Variants in ADNP2 observed in about 807,000 individuals in gnomAD.
ADNP2 encodes the protein ADNP homeobox 2, also known as activity-dependent neuroprotector homeobox protein 2.
Under a neutral mutation model 16.4 loss-of-function variants are expected in ADNP2, and 8 were observed. The observed-to-expected ratio is 0.49, with a 90% CI of 0.29 to 0.88. ADNP2 has a LOEUF of 0.88. ADNP2 is among the 40% of genes least tolerant of loss of function. ADNP2 has a pLI of 0.09. For missense variants in ADNP2, 1,397 were observed against 1,395.1 expected (o/e 1.00, Z -0.02); for synonymous variants, 637 against 545.8 (o/e 1.17, Z -2.33).
chr18:80,122,323 C>T (rs2052430175), intron 2 of ADNP2, among the ~76,000 whole-genome samples: 1 of 152,076 alleles, frequency 6.6e-6, no homozygotes. Flanking sequence ...ATTGTTCTGG[C>T]TTTTTGGGGC....
intron 3 of ADNP2, among the ~76,000 whole-genome samples, chr18:80,134,677 C>T (rs573144079): frequency 6.6e-6 from 1 of 152,170 alleles, no homozygotes; most frequent in Admixed American, 6.5e-5. Context: ...CAGATTGCAT[C>T]CTGTTGTATG....
At chr18:80,122,443 TCTTA>T (rs1161814296) in intron 2 of ADNP2, among the ~76,000 whole-genome samples, 2 of 152,254 alleles carry the variant, frequency 1.3e-5, no homozygotes, top group Non-Finnish European at 2.9e-5. Flanking sequence ...ATTATTGACA[TCTTA>T]ACAACATTGT....
intron 2 of ADNP2, among the ~76,000 whole-genome samples, chr18:80,123,616 G>A (rs188572718): frequency 1.3e-5 from 2 of 151,972 alleles, no homozygotes; most frequent in African/African-American, 2.4e-5. Context: ...TGATCTGCCC[G>A]CCTCGGCCTC....
chr18:80,118,414 T>TGA (rs1773698867), intron 2 of ADNP2, among the ~76,000 whole-genome samples: 1 of 150,918 alleles, frequency 6.6e-6, no homozygotes, highest in Non-Finnish European at 1.5e-5. Flanking sequence ...GGTGACAGAG[T>TGA]GAGTGAGACT....
chr18:80,136,629 C>G lies in ADNP2; in HGVS notation c.1216C>G (p.Pro406Ala). 1 of 1,614,164 alleles carries G rather than the reference C, an allele frequency of 6.2e-7. No homozygotes were observed. Among genetic ancestry groups the G allele is most frequent in the Non-Finnish European group, 8.5e-7 (1 of 1,180,008 alleles). Reference sequence around the variant, plus strand: ...CCCTGGGGTTTTACCCCTCACCCAGCCTGTGGGACCCATAAACAGACCTGT... The same window carrying G: ...CCCTGGGGTTTTACCCCTCACCCAGGCTGTGGGACCCATAAACAGACCTGT... ...VRPGVLPLTQ[P>A]VGPINRPVGP... The change falls in exon 4 of 4, where the codon CCT becomes GCT. Residue 406 changes from proline (P) to alanine (A), a missense_variant. By Grantham distance (27) the Pro-to-Ala change is conservative. Coordinates refer to ENST00000262198, the MANE Select transcript of ADNP2 (RefSeq NM_014913.4).
chr18:80,136,611 G>T lies in ADNP2; in HGVS notation c.1198G>T (p.Val400Phe), dbSNP rs753380304. 1.9e-6 allele frequency: 3 copies of T among 1,614,210 alleles called. No homozygotes were observed. The highest frequency in any genetic ancestry group is 1.7e-6 in the Non-Finnish European group (2 of 1,180,044). ...CATAAATCAGACTGTTCGCCCTGGGGTTTTACCCCTCACCCAGCCTGTGGG... is the reference window on the plus strand; with the variant it reads ...CATAAATCAGACTGTTCGCCCTGGGTTTTTACCCCTCACCCAGCCTGTGGG... ...LPINQTVRPGVLPLTQPVGPI... is the reference protein window; with the variant it reads ...LPINQTVRPGFLPLTQPVGPI... The change falls in exon 4 of 4, where the codon GTT (valine) becomes TTT (phenylalanine). Residue 400 changes from valine to phenylalanine, a missense_variant. Physicochemically the swap from Val to Phe is conservative, Grantham distance 50. Around this residue, in one of 3 missense-constraint regions of ADNP2, gnomAD observed 777 missense variants for 719.4 expected, o/e 1.08. Transcript: ENST00000262198.
chr18:80,117,441 T>A (rs2052396459), intron 1 of ADNP2, 89 bp from the exon 2 acceptor site: 1 of 701,900 alleles, frequency 1.4e-6, no homozygotes, highest in Admixed American at 3.6e-5. Context: ...TATACTCTAT[T>A]CCTAGTGTTT....
Position 80,139,401 on chromosome 18 carries a change from G to GT in ADNP2, c.*603dup, listed in dbSNP as rs34109519. ...TTTTTTTAGGTTTATCCTAATAGCTGTTTTTTTTTTTAACCATAACTCATA... is the reference window on the plus strand; with the variant it reads ...TTTTTTTAGGTTTATCCTAATAGCTGTTTTTTTTTTTTAACCATAACTCATA... On this transcript the variant is annotated 3_prime_UTR_variant, in exon 4 of 4. Transcript: ENST00000262198. 121,393 of 148,440 alleles carry GT rather than the reference G, an allele frequency of 0.82. 49,509 individuals carry two copies. Among genetic ancestry groups the GT allele is most frequent in the Admixed American group, 0.84 (12,529 of 14,906 alleles). 9.2% of individuals were successfully genotyped at this position (148,440 alleles called of 1,614,324 possible).
intron 2 of ADNP2, among the ~76,000 whole-genome samples, chr18:80,126,445 T>C (rs1192483312): frequency 1.3e-5 from 2 of 152,186 alleles, no homozygotes; most frequent in East Asian, 3.8e-4. Context: ...ACTTCATATT[T>C]TGTAGTGCTG....
chr18:80,138,852 G>C lies in ADNP2; in HGVS notation c.*43G>C, dbSNP rs1196877779. ...AAAAGTAACTCTAAAGTAGTAGGTA[G>C]ATTTTTTTCAGTTGAAATTTCACAG... On this transcript the variant is annotated 3_prime_UTR_variant, in exon 4 of 4. Transcript: ENST00000262198. 6 of 1,425,114 alleles carry C rather than the reference G, an allele frequency of 4.2e-6. No homozygotes were observed. 88.3% of individuals were successfully genotyped at this position (1,425,114 alleles called of 1,614,324 possible).
rs1555730307 is a variant in ADNP2, at chr18:80,134,418, T to TGA, written c.199-1186_199-1185dup. 6.8e-3 allele frequency among the ~76,000 whole-genome samples: 930 copies of TGA among 136,494 alleles called. 1 individual carries two copies. The highest frequency in any genetic ancestry group is 7.8e-3 in the East Asian group (39 of 4,984). 89.5% of individuals were successfully genotyped at this position (136,494 alleles called of 152,430 possible). On this transcript the variant is annotated intron_variant, in intron 3 of 3. Coordinates refer to ENST00000262198, the MANE Select transcript of ADNP2 (RefSeq NM_014913.4). The stretch of plus-strand genomic sequence containing the variant: ...GTGTGTGTGTGTGTGTGTGTGTGTG[T>TGA]GAGAGAGAGTGATAATGAGCACACA...
intron 2 of ADNP2, 50 bp from the exon 3 acceptor site, chr18:80,133,053 C>T (rs1399473373): frequency 1.5e-6 from 2 of 1,295,198 alleles, no homozygotes; most frequent in African/African-American, 3.0e-5. Flanking sequence ...TTAAATATTT[C>T]TTTATCTTCT....
Position 80,137,871 on chromosome 18 carries a change from T to C in ADNP2, c.2458T>C (p.Phe820Leu). ...LDVDANGNLL[F>L]PHLDFITILP... Reference sequence around the variant, plus strand: ...TGTCGATGCCAATGGCAACCTGCTCTTTCCCCACCTTGATTTCATCACCAT... The same window carrying C: ...TGTCGATGCCAATGGCAACCTGCTCCTTCCCCACCTTGATTTCATCACCAT... Residue 820 changes from phenylalanine (F) to leucine (L), a missense_variant, in exon 4 of 4, where the codon TTT (phenylalanine) becomes CTT (leucine). Physicochemically the swap from Phe to Leu is conservative, Grantham distance 22. Around this residue, in one of 3 missense-constraint regions of ADNP2, gnomAD observed 611 missense variants for 648.7 expected, o/e 0.94. Coordinates refer to ENST00000262198, the MANE Select transcript of ADNP2 (RefSeq NM_014913.4). The surrounding 1 kb of genome is among the most constrained non-coding windows in gnomAD (Gnocchi z 4.2). The C allele has an allele frequency of 6.2e-7, 1 of 1,614,124 alleles. No individual in the cohort carries two copies. Among genetic ancestry groups the C allele is most frequent in the Non-Finnish European group, 8.5e-7 (1 of 1,180,022 alleles).
chr18:80,117,578 C>G lies in ADNP2; in HGVS notation c.36C>G (p.Ile12Met). The G allele has an allele frequency of 6.2e-7, 1 of 1,601,900 alleles. No individual in the cohort carries two copies. The highest frequency in any genetic ancestry group is 8.5e-7 in the Non-Finnish European group (1 of 1,176,786). The change falls in exon 2 of 4, where the codon ATC (isoleucine) becomes ATG (methionine). Residue 12 changes from isoleucine to methionine, a missense_variant. Physicochemically the swap from Ile to Met is conservative, Grantham distance 10 (BLOSUM62 1). Around this residue, in one of 3 missense-constraint regions of ADNP2, gnomAD observed 777 missense variants for 719.4 expected, o/e 1.08. Transcript: ENST00000262198. ...FQIPVENLDN[I>M]RKVRKKVKGI... ...TTCCTGTGGAAAATCTTGACAACAT[C>G]AGAAAGGTGCGAAAAAAGGTGAAAG...
chr18:80,129,340 TG>T (rs1385800820), intron 2 of ADNP2, among the ~76,000 whole-genome samples: 1 of 152,140 alleles, frequency 6.6e-6, no homozygotes, highest in Non-Finnish European at 1.5e-5. Context: ...AGACCTCAGA[TG>T]ATCCAGCCAC....
At chr18:80,129,099 T>G (rs1199551768) in intron 2 of ADNP2, among the ~76,000 whole-genome samples, 1 of 87,354 alleles carries the variant, frequency 1.1e-5, no homozygotes, top group Non-Finnish European at 2.2e-5. Context: ...CCAGAACTTT[T>G]TTTTTGTTTT....
rs781014684 is a variant in ADNP2 at position 80,136,822 on chromosome 18, C to T, written c.1409C>T (p.Thr470Ile). The part of the protein sequence containing the change: ...MTPAGVIPGQ[T>I]ATSGVLPTGQ... ...CCTGCAGGGGTTATCCCTGGGCAAA[C>T]AGCAACTTCTGGGGTTCTTCCTACT... Residue 470 changes from threonine (T) to isoleucine (I), a missense_variant, in exon 4 of 4, where the codon ACA becomes ATA. Transcript: ENST00000262198. The T allele has an allele frequency of 1.9e-6, 3 of 1,613,370 alleles. No individual in the cohort carries two copies. Among genetic ancestry groups the T allele is most frequent in the Non-Finnish European group, 1.7e-6 (2 of 1,179,612 alleles).
In ADNP2 at chr18:80,114,891, G is replaced by A. The variant is rs549419164; in HGVS notation, c.-13-2639G>A. 2.0e-5 allele frequency among the ~76,000 whole-genome samples: 3 copies of A among 152,272 alleles called. No individual in the cohort carries two copies. In the South Asian group the frequency reaches 6.2e-4, roughly 32 times the overall value. The stretch of plus-strand genomic sequence containing the variant: ...AGTTGATGTGGAACACCTCTACCTG[G>A]TGTCTCTGTGGGCTAGTTGGCACTT... On this transcript the variant is annotated intron_variant, in intron 1 of 3. Transcript: ENST00000262198.
intron 2 of ADNP2, among the ~76,000 whole-genome samples, chr18:80,125,685 C>G (rs2052453967): frequency 6.6e-6 from 1 of 151,702 alleles, no homozygotes; most frequent in Admixed American, 6.6e-5. Context: ...GTGGTGTGCG[C>G]TGGTAGTGTC....
Sources: allele counts gnomAD v4.1 joint callset (sites outside exome capture counted in the v4.1 genomes callset), GRCh38; gene constraint gnomAD v4.1.1; regional missense constraint gnomAD v4.1.1; non-coding constraint Gnocchi (gnomAD v3.1); transcripts MANE v1.5; gene names NCBI Gene and HGNC (gene_info 2026-07-23, HGNC 2026-07-21).